RASSF3: variants seen among roughly 807,000 people sequenced by gnomAD.
The protein encoded by RASSF3 is ras association domain-containing protein 3.
In RASSF3, 19 loss-of-function variants were observed where a neutral mutation model predicts 19.9. That is an observed-to-expected ratio of 0.96 (90% confidence interval 0.67 to 1.40). The LOEUF is 1.40. Among genes scored for constraint, RASSF3 ranks in the 40% most tolerant of loss-of-function variants. The probability of loss-of-function intolerance (pLI) is 0.00; values close to 1 mark genes in which losing one functional copy is unlikely to be tolerated. For missense variants in RASSF3, 306 were observed against 289.8 expected (o/e 1.06, Z -0.41); for synonymous variants, 110 against 104.2 (o/e 1.06, Z -0.34).
At chr12:64,688,507 T>G in intron 3 of RASSF3, 54 bp downstream of exon 3, 1 of 1,261,224 alleles carries the variant, frequency 7.9e-7, no homozygotes, top group Non-Finnish European at 1.2e-6. Context: ...GCATCTGCTG[T>G]TCTCATTAGC....
At chr12:64,551,261 T>C (rs1869155065) in intron 2 of RASSF3, among the ~76,000 whole-genome samples, 2 of 152,168 alleles carry the variant, frequency 1.3e-5, no homozygotes, top group Non-Finnish European at 2.9e-5. Context: ...ATCCATAAAA[T>C]GTATGTAATA....
At chr12:64,616,120 G>T (rs1160839890) in intron 1 of RASSF3, among the ~76,000 whole-genome samples, 4 of 152,076 alleles carry the variant, frequency 2.6e-5, no homozygotes, top group Non-Finnish European at 5.9e-5. Context: ...TTAATCCATT[G>T]GAATTTTGTG....
In RASSF3 at chr12:64,610,735, G is replaced by T; in HGVS notation, c.103G>T (p.Gly35Cys). Reference sequence around the variant, plus strand: ...AGCGCCCCAGGGCAAGCCCCGCTCCGGCCAACAAGTGAGTGGCGCGCGGCG... The same window carrying T: ...AGCGCCCCAGGGCAAGCCCCGCTCCTGCCAACAAGTGAGTGGCGCGCGGCG... The part of the protein sequence containing the change: ...RRAPQGKPRS[G>C]QQDVEKEKET... Residue 35 changes from glycine to cysteine, a missense_variant, in exon 1 of 5, where the codon GGC becomes TGC. Coordinates refer to ENST00000542104, the MANE Select transcript of RASSF3 (RefSeq NM_178169.4). 1 of 1,585,438 alleles carries T rather than the reference G, an allele frequency of 6.3e-7. No individual in the cohort carries two copies. The highest frequency in any genetic ancestry group is 1.1e-5 in the South Asian group (1 of 88,564).
At chr12:64,639,329 A>G (rs963206268) in intron 1 of RASSF3, among the ~76,000 whole-genome samples, 2 of 151,922 alleles carry the variant, frequency 1.3e-5, no homozygotes, top group African/African-American at 4.8e-5. Flanking sequence ...GACCACAATG[A>G]GAGACTCCGT....
chr12:64,570,315 C>T (rs1391051208), intron 2 of RASSF3, among the ~76,000 whole-genome samples: 2 of 152,124 alleles, frequency 1.3e-5, no homozygotes, highest in Non-Finnish European at 2.9e-5. Context: ...TGGTGCTGTC[C>T]TAAAACTGAT....
intron 2 of RASSF3, among the ~76,000 whole-genome samples, chr12:64,574,168 G>A (rs904209280): frequency 2.6e-4 from 40 of 151,790 alleles, no homozygotes; most frequent in African/African-American, 6.3e-4. Flanking sequence ...AAAATTAGCC[G>A]GGTGTGATGG....
At chr12:64,599,937 A>C (rs898401830) in intron 2 of RASSF3, among the ~76,000 whole-genome samples, 13 of 150,788 alleles carry the variant, frequency 8.6e-5, no homozygotes, top group South Asian at 4.2e-4. Context: ...GAGGCTGAGG[A>C]AGGAGAATGG....
intron 1 of RASSF3, among the ~76,000 whole-genome samples, chr12:64,620,879 A>C (rs564438888): frequency 2.0e-5 from 3 of 152,250 alleles, no homozygotes; most frequent in Admixed American, 1.3e-4. Flanking sequence ...GAGAAAAAAA[A>C]CTTCAATAAC....
chr12:64,588,292 G>C (rs1869850644), intron 2 of RASSF3, among the ~76,000 whole-genome samples: 1 of 152,100 alleles, frequency 6.6e-6, no homozygotes, highest in South Asian at 2.1e-4. Flanking sequence ...CATTTTGTAG[G>C]CCATTTCTGC....
chr12:64,623,653 AT>A (rs1329784081), intron 1 of RASSF3, among the ~76,000 whole-genome samples: 1 of 151,424 alleles, frequency 6.6e-6, no homozygotes, highest in South Asian at 2.1e-4. Flanking sequence ...ATTTTCTTTT[AT>A]TTTTTTGAGA....
chr12:64,693,743 T>C (rs1868317577), intron 4 of RASSF3, among the ~76,000 whole-genome samples: 2 of 152,190 alleles, frequency 1.3e-5, no homozygotes, highest in African/African-American at 4.8e-5. Context: ...TAAAAACTTA[T>C]TTTGTGCCTG....
intron 2 of RASSF3, among the ~76,000 whole-genome samples, chr12:64,560,356 G>A (rs1429203932): frequency 6.6e-6 from 1 of 152,156 alleles, no homozygotes; most frequent in Non-Finnish European, 1.5e-5. Context: ...CTACCAAACA[G>A]GTTCTCTAGC....
chr12:64,646,180 G>A (rs933161003), intron 1 of RASSF3, among the ~76,000 whole-genome samples: 4 of 152,096 alleles, frequency 2.6e-5, no homozygotes, highest in Admixed American at 6.6e-5. Context: ...CTTGTAGAAC[G>A]TGTCCTTTGG....
At chr12:64,659,986 G>GTGTA (rs1158804415) in intron 1 of RASSF3, among the ~76,000 whole-genome samples, 14 of 145,052 alleles carry the variant, frequency 9.7e-5, no homozygotes, top group African/African-American at 3.3e-4. Flanking sequence ...GTGTGTGTAT[G>GTGTA]TATGTGTATA....
intron 2 of RASSF3, among the ~76,000 whole-genome samples, chr12:64,565,884 G>GAAA (rs35479688): frequency 7.3e-4 from 93 of 126,584 alleles, no homozygotes; most frequent in African/African-American, 2.7e-3. Context: ...CTTCGTCTCA[G>GAAA]AAAAAAAAAA....
chr12:64,544,389 T>C (rs1869015019), downstream of RASSF3, among the ~76,000 whole-genome samples: 1 of 152,142 alleles, frequency 6.6e-6, no homozygotes, highest in South Asian at 2.1e-4. Context: ...ACTCCAGACA[T>C]GCTGCTTTCA....
intron 1 of RASSF3, among the ~76,000 whole-genome samples, chr12:64,635,440 A>C (rs1871300669): frequency 6.6e-6 from 1 of 152,242 alleles, no homozygotes; most frequent in Admixed American, 6.5e-5. Flanking sequence ...GTGGAAAGTC[A>C]TAAAGAGCCA....
chr12:64,574,879 C>A (rs1297599842), intron 2 of RASSF3, among the ~76,000 whole-genome samples: 1 of 152,216 alleles, frequency 6.6e-6, no homozygotes, highest in African/African-American at 2.4e-5. Context: ...TTATATATCA[C>A]TGGCTTTGTG....
intron 2 of RASSF3, among the ~76,000 whole-genome samples, chr12:64,687,302 C>G (rs933444007): frequency 1.3e-5 from 2 of 151,884 alleles, no homozygotes; most frequent in African/African-American, 4.8e-5. Flanking sequence ...GCGCCTGGCC[C>G]CAAATATACT....
Sources: gnomAD v4.1 joint callset for allele counts (sites outside exome capture counted in the v4.1 genomes callset) on GRCh38, gnomAD v4.1.1 for gene constraint, MANE v1.5 for transcripts, NCBI Gene and HGNC (gene_info 2026-07-23, HGNC 2026-07-21) for gene names.